The following TYR variants were observed in gnomAD, a reference collection of about 807,000 sequenced individuals.
The protein encoded by TYR is tyrosinase.
Under a neutral mutation model 51.5 loss-of-function variants are expected in TYR, and 58 were observed. That is an observed-to-expected ratio of 1.13 (90% CI 0.91 to 1.40). TYR has a LOEUF of 1.40. Among genes scored for constraint, TYR ranks in the 40% most tolerant of loss-of-function variants. The pLI is 0.00. For synonymous variants in TYR, 263 were observed against 235.2 expected (o/e 1.12, Z -1.08); for missense variants, 732 against 647.4 (o/e 1.13, Z -1.42).
intron 3 of TYR, among the ~76,000 whole-genome samples, chr11:89,263,355 T>A (rs1450429050): frequency 2.0e-5 from 3 of 151,960 alleles, no homozygotes; most frequent in South Asian, 4.1e-4. Context: ...CTTTCTCATT[T>A]TGATAAATAA....
chr11:89,194,330 C>T (rs907724751), intron 2 of TYR, among the ~76,000 whole-genome samples: 45 of 152,254 alleles, frequency 3.0e-4, no homozygotes, highest in African/African-American at 1.0e-3. Flanking sequence ...CAAAATTCCA[C>T]ATAGGTGATT....
chr11:89,275,660 G>A (rs1252147323), intron 3 of TYR, among the ~76,000 whole-genome samples: 1 of 151,816 alleles, frequency 6.6e-6, no homozygotes. Context: ...GCTAGAGTAG[G>A]CTCAGATTCT....
intron 1 of TYR, among the ~76,000 whole-genome samples, chr11:89,188,643 C>CTAGT (rs1276519569): frequency 3.3e-5 from 5 of 152,036 alleles, no homozygotes; most frequent in Non-Finnish European, 5.9e-5. Flanking sequence ...CTTTTGCTAG[C>CTAGT]TAGTGCTAAC....
At chr11:89,291,249 A>G (rs1161291118) in intron 4 of TYR, among the ~76,000 whole-genome samples, 1 of 151,992 alleles carries the variant, frequency 6.6e-6, no homozygotes, top group Non-Finnish European at 1.5e-5. Context: ...CTAGAATTAT[A>G]TCAATGATGA....
At chr11:89,186,912 G>A (rs745860317) in intron 1 of TYR, among the ~76,000 whole-genome samples, 12 of 152,112 alleles carry the variant, frequency 7.9e-5, no homozygotes, top group East Asian at 1.9e-4. Context: ...GTAGAGAAAC[G>A]GCAATGTGAA....
At position 89,268,303 on chromosome 11, in the gene TYR, G is replaced by GAT. The variant is rs377633914; in HGVS notation, c.1185-16457_1185-16456dup. Among the ~76,000 whole-genome samples the GAT allele has an allele frequency of 5.1e-3, 765 of 150,960 alleles. 1 individual carries two copies. The highest frequency in any genetic ancestry group is 0.014 in the Middle Eastern group (4 of 294). On this transcript the variant is annotated intron_variant, in intron 3 of 4. Coordinates refer to ENST00000263321, the MANE Select transcript of TYR (RefSeq NM_000372.5). ...GCAGTTTTGTTGGAGAAATAAATAT[G>GAT]ATATATATATATATCAAAATTCTCA...
chr11:89,187,825 C>T (rs2135249952), intron 1 of TYR, among the ~76,000 whole-genome samples: 1 of 152,004 alleles, frequency 6.6e-6, no homozygotes, highest in Non-Finnish European at 1.5e-5. Flanking sequence ...CACAATAATA[C>T]ATAGTGAATA....
intron 2 of TYR, among the ~76,000 whole-genome samples, chr11:89,209,592 T>C (rs1943723454): frequency 6.6e-6 from 1 of 152,154 alleles, no homozygotes; most frequent in Non-Finnish European, 1.5e-5. Context: ...GTCTGACAGC[T>C]CTGAAGAGAG....
chr11:89,282,874 A>T (rs1320147182), intron 3 of TYR, among the ~76,000 whole-genome samples: 6 of 151,826 alleles, frequency 4.0e-5, no homozygotes, highest in African/African-American at 1.2e-4. Context: ...TATAGTCATA[A>T]TACTTAGGAG....
At chr11:89,255,649 A>C (rs1944381708) in intron 3 of TYR, among the ~76,000 whole-genome samples, 1 of 151,734 alleles carries the variant, frequency 6.6e-6, no homozygotes, top group Non-Finnish European at 1.5e-5. Context: ...TGTGGTTTTC[A>C]AAGAAGTAGT....
chr11:89,195,310 A>G lies in TYR; in HGVS notation c.1036+3892A>G, dbSNP rs181831143. On this transcript the variant is annotated intron_variant, in intron 2 of 4. Transcript: ENST00000263321. ...TGTTTTATTTTTGTCTACTGAAGTTATTTAAGTAAACTCAGCTTTCCTCTT... is the reference window on the plus strand; with the variant it reads ...TGTTTTATTTTTGTCTACTGAAGTTGTTTAAGTAAACTCAGCTTTCCTCTT... 3.3e-5 allele frequency among the ~76,000 whole-genome samples: 5 copies of G among 152,284 alleles called. No individual in the cohort carries two copies. The East Asian group carries it at 9.7e-4, about 29-fold the overall frequency.
intron 2 of TYR, among the ~76,000 whole-genome samples, chr11:89,224,745 G>T (rs1359809156): frequency 6.6e-6 from 1 of 152,152 alleles, no homozygotes; most frequent in Non-Finnish European, 1.5e-5. Flanking sequence ...AACTTCCAGA[G>T]TGTTTAACAA....
chr11:89,241,383 A>G (rs577722788), intron 3 of TYR, among the ~76,000 whole-genome samples: 1 of 152,156 alleles, frequency 6.6e-6, no homozygotes, highest in South Asian at 2.1e-4. Context: ...AACAGTGTTC[A>G]CCATTAGTTC....
At chr11:89,202,883 C>T (rs1943618040) in intron 2 of TYR, among the ~76,000 whole-genome samples, 1 of 152,018 alleles carries the variant, frequency 6.6e-6, no homozygotes, top group African/African-American at 2.4e-5. Context: ...CTCCTCTTAC[C>T]TCAAGGACAG....
chr11:89,293,370 C>A (rs867077754), intron 4 of TYR, among the ~76,000 whole-genome samples: 1 of 135,918 alleles, frequency 7.4e-6, no homozygotes, highest in Non-Finnish European at 1.6e-5. Flanking sequence ...CACACACACA[C>A]AACCCAGAAT....
At chr11:89,202,030 C>A (rs1260076042) in intron 2 of TYR, among the ~76,000 whole-genome samples, 1 of 151,936 alleles carries the variant, frequency 6.6e-6, no homozygotes, top group East Asian at 1.9e-4. Context: ...GTAGGTCTGG[C>A]AGTGGAAGTG....
At chr11:89,239,438 T>A (rs2135290095) in intron 3 of TYR, among the ~76,000 whole-genome samples, 1 of 152,186 alleles carries the variant, frequency 6.6e-6, no homozygotes, top group East Asian at 1.9e-4. Context: ...TAATTTTATT[T>A]ATTTGCATCT....
At chr11:89,220,770 T>TCAAAACAAAA (rs538393479) in intron 2 of TYR, among the ~76,000 whole-genome samples, 1 of 151,192 alleles carries the variant, frequency 6.6e-6, no homozygotes, top group Non-Finnish European at 1.5e-5. Context: ...AAAACAAAAC[T>TCAAAACAAAA]CAAAACAAAA....
chr11:89,192,626 A>T (rs758623105), intron 2 of TYR, among the ~76,000 whole-genome samples: 4 of 152,092 alleles, frequency 2.6e-5, no homozygotes, highest in Non-Finnish European at 5.9e-5. Context: ...TTACATCCAG[A>T]ATCAATTGAA....
Sources: gnomAD v4.1 joint callset for allele counts (sites outside exome capture counted in the v4.1 genomes callset) on GRCh38, gnomAD v4.1.1 for gene constraint, MANE v1.5 for transcripts, NCBI Gene and HGNC (gene_info 2026-07-23, HGNC 2026-07-21) for gene names.